PSME4: variants seen among roughly 807,000 people sequenced by gnomAD.
The protein encoded by PSME4 is proteasome activator complex subunit 4.
In PSME4, 89 loss-of-function variants were observed where a neutral mutation model predicts 253.9. That is an observed-to-expected ratio of 0.35 (90% CI 0.30 to 0.42). The LOEUF (loss-of-function observed/expected upper bound fraction) is 0.42, where lower values mean the gene tolerates loss of function less well. Ranked by LOEUF, PSME4 falls within the 10% of genes least tolerant of loss-of-function variation. PSME4 has a pLI of 1.00. For synonymous variants in PSME4, 851 were observed against 759.2 expected (o/e 1.12, Z -1.99); for missense variants, 2,014 against 2,195.2 (o/e 0.92, Z 1.65).
intron 1 of PSME4, among the ~76,000 whole-genome samples, chr2:53,958,183 CAAAAAAAAAA>C (rs1211892917): frequency 1.5e-5 from 1 of 65,814 alleles, no homozygotes; most frequent in Non-Finnish European, 3.0e-5. Context: ...AAGACTCTGT[CAAAAAAAAAA>C]AAAAAAAAAA....
chr2:53,873,237 T>TAAAAAAAAAAAAAAAA (rs1678972378), intron 43 of PSME4, among the ~76,000 whole-genome samples: 1 of 63,456 alleles, frequency 1.6e-5, no homozygotes, highest in Non-Finnish European at 2.9e-5. Flanking sequence ...AGACTCCGTC[T>TAAAAAAAAAAAAAAAA]CAAAAAAAAA....
chr2:53,866,027 A>G (rs896048725), intron 46 of PSME4, 58 bp downstream of exon 46: 269 of 1,459,342 alleles, frequency 1.8e-4, no homozygotes, highest in Non-Finnish European at 2.4e-4. Flanking sequence ...AAAAAAAACA[A>G]TAAATATCTA....
intron 1 of PSME4, among the ~76,000 whole-genome samples, chr2:53,949,927 A>G (rs1245002817): frequency 1.3e-5 from 2 of 152,188 alleles, no homozygotes; most frequent in African/African-American, 4.8e-5. Context: ...ATGGTTAACT[A>G]TTTTATATCT....
rs757619768 is a variant in PSME4 at position 53,948,297 on chromosome 2, C to T, written c.500+124G>A. 7 of 684,908 alleles carry T rather than the reference C, an allele frequency of 1.0e-5. No individual in the cohort carries two copies. The Admixed American group carries it at 1.6e-4, about 16-fold the overall frequency. The allele number at this position is 684,908 out of a possible 1,614,324, so 42.4% of individuals were successfully genotyped here. On this transcript the variant is annotated intron_variant, in intron 3 of 46. Transcript: ENST00000404125. Reference sequence around the variant, plus strand: ...GAATTGTTTCAGGAGTCAAATTACACAGAAATAGGCACATTAAAATATCTG... The same window carrying T: ...GAATTGTTTCAGGAGTCAAATTACATAGAAATAGGCACATTAAAATATCTG...
chr2:53,933,691 C>T (rs953413499), intron 8 of PSME4, among the ~76,000 whole-genome samples: 14 of 152,202 alleles, frequency 9.2e-5, no homozygotes, highest in Admixed American at 9.2e-4. Flanking sequence ...CATATTTTCA[C>T]ACTTAACACA....
intron 1 of PSME4, among the ~76,000 whole-genome samples, chr2:53,951,714 C>CAAATTCT (rs1440362408): frequency 1.3e-5 from 2 of 152,138 alleles, no homozygotes; most frequent in Non-Finnish European, 2.9e-5. Context: ...TGGAGTTTTC[C>CAAATTCT]AATTTCTAAT....
At chr2:53,885,007 A>C (rs957134890) in intron 41 of PSME4, among the ~76,000 whole-genome samples, 1 of 152,212 alleles carries the variant, frequency 6.6e-6, no homozygotes, top group Non-Finnish European at 1.5e-5. Flanking sequence ...TAATAACTGT[A>C]CTGATGAATA....
At chr2:53,945,003 T>C (rs948922960) in intron 3 of PSME4, among the ~76,000 whole-genome samples, 10 of 152,118 alleles carry the variant, frequency 6.6e-5, no homozygotes, top group Admixed American at 4.6e-4. Flanking sequence ...TTTTAAAAAG[T>C]AGTAAACAAG....
intron 20 of PSME4, among the ~76,000 whole-genome samples, chr2:53,911,179 G>T (rs1472087115): frequency 6.6e-6 from 1 of 152,052 alleles, no homozygotes; most frequent in Non-Finnish European, 1.5e-5. Flanking sequence ...ATTTAACTAT[G>T]TTTCTCACCA....
At chr2:53,932,199 A>G (rs148936366) in intron 9 of PSME4, 99 bp from the exon 10 acceptor site, 4 of 1,132,266 alleles carry the variant, frequency 3.5e-6, no homozygotes, top group Non-Finnish European at 5.1e-6. Flanking sequence ...TTTAAAAATA[A>G]CAGTTCTTAT....
chr2:53,873,248 GA>G (rs74452073), intron 43 of PSME4, among the ~76,000 whole-genome samples: 6 of 91,158 alleles, frequency 6.6e-5, no homozygotes, highest in Non-Finnish European at 6.5e-5. Context: ...CAAAAAAAAA[GA>G]AAAAAAAAAA....
At chr2:53,907,127 T>C (rs1680697069) in intron 24 of PSME4, among the ~76,000 whole-genome samples, 1 of 152,150 alleles carries the variant, frequency 6.6e-6, no homozygotes, top group Admixed American at 6.5e-5. Flanking sequence ...ATTAGACCCA[T>C]GCATGGGAGA....
intron 41 of PSME4, among the ~76,000 whole-genome samples, chr2:53,883,024 CAAT>C (rs1679469733): frequency 1.3e-5 from 2 of 151,800 alleles, no homozygotes; most frequent in African/African-American, 2.4e-5. Context: ...TATAAACTCA[CAAT>C]AATTTTAAGA....
At chr2:53,905,187 G>C (rs182209126) in intron 26 of PSME4, among the ~76,000 whole-genome samples, 1 of 150,820 alleles carries the variant, frequency 6.6e-6, no homozygotes, top group African/African-American at 2.4e-5. Context: ...ATGCCACCAC[G>C]CCTGGCTAAT....
intron 5 of PSME4, among the ~76,000 whole-genome samples, 196 bp from the exon 6 acceptor site, chr2:53,937,023 AAT>A (rs1169757549): frequency 6.6e-6 from 1 of 152,232 alleles, no homozygotes; most frequent in Non-Finnish European, 1.5e-5. Flanking sequence ...TTATTTAAGA[AAT>A]ATGATCTCAC....
intron 16 of PSME4, 71 bp from the exon 17 acceptor site, chr2:53,922,655 T>A: frequency 6.6e-7 from 1 of 1,512,810 alleles, no homozygotes; most frequent in Admixed American, 2.2e-5. Flanking sequence ...TTAAAATACT[T>A]CTATTTAATA....
Position 53,864,350 on chromosome 2 carries a change from T to A in PSME4, c.*1228A>T, listed in dbSNP as rs1369154179. 1 of 152,206 alleles carries A rather than the reference T, an allele frequency of 6.6e-6. No individual in the cohort carries two copies. The highest frequency in any genetic ancestry group is 1.5e-5 in the Non-Finnish European group (1 of 68,010). 9.4% of individuals were successfully genotyped at this position (152,206 alleles called of 1,614,324 possible). ...TACCTTTCACTCTATAAACTTGTCA[T>A]AGGCAAACATGTGGTGTTAGCATTG... On this transcript the variant is annotated 3_prime_UTR_variant, in exon 47 of 47. Transcript: ENST00000404125.
At chr2:53,872,723 C>T (rs1298643664) in intron 43 of PSME4, among the ~76,000 whole-genome samples, 2 of 30,376 alleles carry the variant, frequency 6.6e-5, no homozygotes, top group African/African-American at 2.5e-4. Flanking sequence ...GCCTGGACAA[C>T]AAAGCAAGAC....
intron 10 of PSME4, among the ~76,000 whole-genome samples, chr2:53,928,768 C>A (rs955088524): frequency 1.3e-5 from 2 of 152,252 alleles, no homozygotes; most frequent in South Asian, 2.1e-4. Context: ...CACTACTGTA[C>A]ACAAATAAAG....
Sources: allele counts gnomAD v4.1 joint callset (sites outside exome capture counted in the v4.1 genomes callset), GRCh38; gene constraint gnomAD v4.1.1; transcripts MANE v1.5; gene names NCBI Gene and HGNC (gene_info 2026-07-23, HGNC 2026-07-21).